The following ATG7 variants were observed in gnomAD, a reference collection of about 807,000 sequenced individuals.
The protein encoded by ATG7 is autophagy related 7, also known as ubiquitin-like modifier-activating enzyme ATG7.
In ATG7, 70 loss-of-function variants were observed where a neutral mutation model predicts 82.4. The observed-to-expected ratio is 0.85, with a 90% CI of 0.70 to 1.04. The LOEUF is 1.04. ATG7 is among the 50% of genes least tolerant of loss of function. ATG7 has a pLI of 0.00. For missense variants in ATG7, 792 were observed against 864.3 expected, an observed-to-expected ratio of 0.92 and a Z score of 1.05; for synonymous variants, 287 against 313.0, an observed-to-expected ratio of 0.92 and a Z score of 0.88.
chr3:11,484,223 G>A (rs1574945287), intron 20 of ATG7, among the ~76,000 whole-genome samples: 1 of 152,034 alleles, frequency 6.6e-6, no homozygotes, highest in African/African-American at 2.4e-5. Flanking sequence ...GTAGAACCCC[G>A]TGTCTACCAA....
chr3:11,428,985 T>C (rs1287788748), intron 20 of ATG7, among the ~76,000 whole-genome samples: 1 of 152,176 alleles, frequency 6.6e-6, no homozygotes, highest in East Asian at 1.9e-4. Context: ...AAATAGATGG[T>C]GGAGCAGAAG....
chr3:11,366,927 C>CCTTT (rs2076651933), intron 18 of ATG7, among the ~76,000 whole-genome samples: 2 of 149,294 alleles, frequency 1.3e-5, no homozygotes, highest in South Asian at 4.2e-4. Context: ...CTTCATTTGC[C>CCTTT]CTTTTCAAAG....
At chr3:11,338,765 T>C (rs1003397274) in intron 11 of ATG7, among the ~76,000 whole-genome samples, 2 of 152,248 alleles carry the variant, frequency 1.3e-5, no homozygotes, top group African/African-American at 4.8e-5. Flanking sequence ...TTGCTGTGAA[T>C]GATACCCTCA....
chr3:11,337,488 C>A (rs6442250), intron 11 of ATG7, among the ~76,000 whole-genome samples: 29,423 of 140,918 alleles, frequency 0.21, 3,227 homozygotes, highest in East Asian at 0.35. Flanking sequence ...CTCTCTCTCT[C>A]TATATATATA....
intron 19 of ATG7, among the ~76,000 whole-genome samples, chr3:11,383,127 A>G (rs1372140403): frequency 6.6e-6 from 1 of 152,172 alleles, no homozygotes; most frequent in Non-Finnish European, 1.5e-5. Flanking sequence ...CTGTGTATTC[A>G]ATGTTGTTGT....
chr3:11,511,385 C>A (rs1314461045), intron 20 of ATG7, among the ~76,000 whole-genome samples: 1 of 152,202 alleles, frequency 6.6e-6, no homozygotes, highest in Non-Finnish European at 1.5e-5. Flanking sequence ...CTCCAAGGCC[C>A]CACCAGAGCA....
chr3:11,575,857 T>C, the ATG7 span, among the ~76,000 whole-genome samples: 1 of 152,200 alleles, frequency 6.6e-6, no homozygotes, highest in South Asian at 2.1e-4. Flanking sequence ...GAGACCCTCT[T>C]TGCTTGGCAA....
In ATG7 at chr3:11,337,488, C is replaced by CTCTA. The variant is rs1553618168; in HGVS notation, c.890-3156_890-3155insCTAT. 2.1e-3 allele frequency among the ~76,000 whole-genome samples: 292 copies of CTCTA among 141,216 alleles called. 1 individual carries two copies. The highest frequency in any genetic ancestry group is 8.3e-3 in the African/African-American group (276 of 33,312). 92.6% of individuals were successfully genotyped at this position (141,216 alleles called of 152,430 possible). ...TTTCTAGCTCTCTCTCTCTCTCTCT[C>CTCTA]TATATATATATATATAATTTAATTT... On this transcript the variant is annotated intron_variant, in intron 11 of 20. Coordinates refer to ENST00000693202, the MANE Select transcript of ATG7 (RefSeq NM_001349232.2).
intron 20 of ATG7, among the ~76,000 whole-genome samples, chr3:11,442,289 C>T (rs1177996869): frequency 6.6e-6 from 1 of 152,056 alleles, no homozygotes; most frequent in Non-Finnish European, 1.5e-5. Flanking sequence ...CACTCCTGGC[C>T]CCATCGCTAG....
intron 20 of ATG7, among the ~76,000 whole-genome samples, chr3:11,519,824 G>T (rs2092396034): frequency 6.6e-6 from 1 of 152,024 alleles, no homozygotes; most frequent in African/African-American, 2.4e-5. Flanking sequence ...GCCTCCCAAA[G>T]TGCTGGGATT....
chr3:11,545,285 T>C (rs1184202679), intron 20 of ATG7, among the ~76,000 whole-genome samples: 2 of 152,126 alleles, frequency 1.3e-5, no homozygotes, highest in African/African-American at 2.4e-5. Context: ...GATGATGGGA[T>C]TGTTTTTTTG....
chr3:11,350,810 C>A (rs1443693166), intron 14 of ATG7, among the ~76,000 whole-genome samples: 2 of 150,930 alleles, frequency 1.3e-5, no homozygotes, highest in Non-Finnish European at 2.9e-5. Flanking sequence ...GTCTAGGCTG[C>A]GCACAGTGGC....
At chr3:11,424,855 C>T (rs1163031912) in intron 19 of ATG7, among the ~76,000 whole-genome samples, 2 of 152,144 alleles carry the variant, frequency 1.3e-5, no homozygotes, top group African/African-American at 4.8e-5. Context: ...TCTTTTTGAA[C>T]ACAAATACTA....
intron 19 of ATG7, among the ~76,000 whole-genome samples, chr3:11,418,412 C>G (rs560663833): frequency 6.6e-6 from 1 of 152,162 alleles, no homozygotes; most frequent in African/African-American, 2.4e-5. Context: ...CTGTCCCCAA[C>G]CAACATATTT....
chr3:11,289,656 C>G (rs1441685850), intron 3 of ATG7, among the ~76,000 whole-genome samples: 1 of 152,160 alleles, frequency 6.6e-6, no homozygotes, highest in Non-Finnish European at 1.5e-5. Context: ...CTGGTGGGCT[C>G]GAGCTATCTT....
At chr3:11,568,072 C>A in the ATG7 span, among the ~76,000 whole-genome samples, 1 of 152,234 alleles carries the variant, frequency 6.6e-6, no homozygotes, top group South Asian at 2.1e-4. This position sits in a 1 kb window ranked among gnomAD's most constrained non-coding sequence, Gnocchi z 5.9. Context: ...GGCTTACAAT[C>A]TAGCAGGGAC....
intron 3 of ATG7, among the ~76,000 whole-genome samples, chr3:11,292,957 T>G (rs1945208937): frequency 6.6e-6 from 1 of 152,234 alleles, no homozygotes. Flanking sequence ...AGGTTGAGCT[T>G]CTAGGAATTA....
intron 11 of ATG7, among the ~76,000 whole-genome samples, chr3:11,337,708 C>A (rs1029969015): frequency 6.6e-6 from 1 of 151,992 alleles, no homozygotes; most frequent in Non-Finnish European, 1.5e-5. Flanking sequence ...CCTTGAACTC[C>A]TGGGCTAAAT....
intron 19 of ATG7, among the ~76,000 whole-genome samples, chr3:11,417,332 T>C (rs957751499): frequency 6.6e-6 from 1 of 152,222 alleles, no homozygotes; most frequent in Admixed American, 6.5e-5. Flanking sequence ...TGTTAGTTTT[T>C]ACCTCATGTA....
Sources: gnomAD v4.1 joint callset for allele counts (sites outside exome capture counted in the v4.1 genomes callset) on GRCh38, gnomAD v4.1.1 for gene constraint, Gnocchi (gnomAD v3.1) non-coding constraint, MANE v1.5 for transcripts, NCBI Gene and HGNC (gene_info 2026-07-23, HGNC 2026-07-21) for gene names.